The following POF1B variants were observed in gnomAD, a reference collection of about 807,000 sequenced individuals.
The protein encoded by POF1B is POF1B actin binding protein.
In POF1B, 53 loss-of-function variants were observed where a neutral mutation model predicts 55.3. The ratio of observed to expected loss-of-function variants is 0.96; its 90% confidence interval spans 0.77 to 1.20. The LOEUF (loss-of-function observed/expected upper bound fraction) is 1.20. Among genes scored for constraint, POF1B ranks in the 50% most tolerant of loss-of-function variants. POF1B has a pLI of 0.00. For synonymous variants in POF1B, 188 were observed against 148.3 expected, an observed-to-expected ratio of 1.27 and a Z score of -1.95; for missense variants, 478 against 420.5, an observed-to-expected ratio of 1.14 and a Z score of -1.20.
intron 7 of POF1B, among the ~76,000 whole-genome samples, chrX:85,325,317 G>A (rs1184247267): frequency 1.8e-5 from 2 of 111,139 alleles, no homozygotes; most frequent in Admixed American, 9.6e-5. Context: ...AGGCATGCCC[G>A]GGAGTCATAG....
intron 15 of POF1B, among the ~76,000 whole-genome samples, chrX:85,291,920 C>T (rs757619388): frequency 9.0e-6 from 1 of 111,058 alleles, no homozygotes; most frequent in South Asian, 3.8e-4. Context: ...ATTTCTTTCT[C>T]TTGCCTGATT....
intron 15 of POF1B, among the ~76,000 whole-genome samples, chrX:85,298,370 C>A (rs1932356635): frequency 9.0e-6 from 1 of 111,621 alleles, no homozygotes; most frequent in Non-Finnish European, 1.9e-5. Context: ...GAAATGACTG[C>A]AAGAGTCGTG....
Position 85,345,970 on chromosome X carries a change from G to T in POF1B, c.613C>A (p.Gln205Lys). The T allele has an allele frequency of 8.3e-7, 1 of 1,207,614 alleles. No individual in the cohort carries two copies. Among genetic ancestry groups the T allele is most frequent in the South Asian group, 1.8e-5 (1 of 56,553 alleles). The part of the protein sequence containing the change: ...QPQVIHSAHW[Q>K]QPDSSQQIQA... ...ATTTGCTGGCTAGAATCAGGTTGTTGCCAGTGTGCAGAGTGGATGACCTGG... is the reference window on the plus strand; with the variant it reads ...ATTTGCTGGCTAGAATCAGGTTGTTTCCAGTGTGCAGAGTGGATGACCTGG... The change falls in exon 6 of 17, where the codon CAA becomes AAA. Residue 205 changes from glutamine to lysine, a missense_variant. Coordinates refer to ENST00000262753, the MANE Select transcript of POF1B (RefSeq NM_024921.4).
At chrX:85,346,103 AC>A in intron 5 of POF1B, 61 bp from the exon 6 acceptor site, 1 of 829,321 alleles carries the variant, frequency 1.2e-6, no homozygotes, top group Non-Finnish European at 1.6e-6. Context: ...ATCAAGAAAA[AC>A]AACTGAAACC....
intron 6 of POF1B, among the ~76,000 whole-genome samples, chrX:85,341,639 A>T (rs12012750): frequency 0.037 from 4,122 of 110,350 alleles, 161 homozygotes; most frequent in African/African-American, 0.11. Context: ...CAATAATGGG[A>T]TTGAAGAGGG....
chrX:85,364,570 ATAGGCCTCTACTCTCT>A (rs1474269615), intron 3 of POF1B, among the ~76,000 whole-genome samples: 4 of 111,744 alleles, frequency 3.6e-5, no homozygotes, highest in African/African-American at 1.3e-4. Context: ...AATGTTGAAT[ATAGGCCTCTACTCTCT>A]CCTGGCTTGC....
rs778241863 is a variant in POF1B, at chrX:85,305,862, T to A, written c.1366A>T (p.Ile456Phe). The A allele has an allele frequency of 2.5e-6, 3 of 1,210,189 alleles. No individual in the cohort carries two copies. The Admixed American group carries it at 6.5e-5, about 26-fold the overall frequency. Residue 456 changes from isoleucine to phenylalanine, a missense_variant, in exon 13 of 17, where the codon ATT (isoleucine) becomes TTT (phenylalanine). By Grantham distance (21) the Ile-to-Phe change is conservative. Coordinates refer to ENST00000262753, the MANE Select transcript of POF1B (RefSeq NM_024921.4). ...ACCATCTCCGTGTAGTGGTTGCCAA[T>A]CTCATCCATTTTAGCCTGCAACATT... Reference protein sequence around the residue: ...GPMLQAKMDEIGNHYTEMVKN... With the variant: ...GPMLQAKMDEFGNHYTEMVKN...
At chrX:85,348,547 C>T (rs1933317092) in intron 5 of POF1B, among the ~76,000 whole-genome samples, 1 of 110,578 alleles carries the variant, frequency 9.0e-6, no homozygotes, top group African/African-American at 3.3e-5. Flanking sequence ...CAGGTTCATC[C>T]AGACTCTGGC....
Position 85,308,450 on chromosome X carries a change from A to G in POF1B, c.958-234T>C, listed in dbSNP as rs752957248. On this transcript the variant is annotated intron_variant, in intron 9 of 16. Transcript: ENST00000262753. ...AAATATTTATTATTTTTTCCATGAT[A>G]AAGTATCATCTTTGTCACAAAGTAG... 4.5e-5 allele frequency among the ~76,000 whole-genome samples: 5 copies of G among 111,383 alleles called. No individual in the cohort carries two copies. In the South Asian group the frequency reaches 1.9e-3, roughly 42 times the overall value.
At chrX:85,358,799 T>C (rs2147943536) in intron 4 of POF1B, among the ~76,000 whole-genome samples, 1 of 111,169 alleles carries the variant, frequency 9.0e-6, no homozygotes, top group African/African-American at 3.3e-5. Flanking sequence ...AACTAGAATC[T>C]TCTCCTGAGG....
intron 6 of POF1B, among the ~76,000 whole-genome samples, chrX:85,339,104 T>G (rs970576512): frequency 5.4e-5 from 6 of 111,004 alleles, no homozygotes; most frequent in African/African-American, 2.0e-4. Context: ...AGGAAGAGGT[T>G]TAATGGACTT....
chrX:85,313,240 CCTTGT>C (rs1248713263), intron 9 of POF1B, among the ~76,000 whole-genome samples: 1 of 111,861 alleles, frequency 8.9e-6, no homozygotes, highest in African/African-American at 3.2e-5. Context: ...GAGAGGGCAT[CCTTGT>C]CTTGTGCCGG....
chrX:85,351,778 C>A (rs1933394840), intron 4 of POF1B, among the ~76,000 whole-genome samples: 1 of 110,952 alleles, frequency 9.0e-6, no homozygotes, highest in African/African-American at 3.3e-5. Context: ...GGTAGGCAAG[C>A]ATGAGGTCAA....
chrX:85,305,018 C>T (rs1045816503), intron 13 of POF1B, among the ~76,000 whole-genome samples: 5 of 110,381 alleles, frequency 4.5e-5, no homozygotes, highest in African/African-American at 1.6e-4. Flanking sequence ...TCCCTCTTTA[C>T]CTCATATGTG....
intron 13 of POF1B, 47 bp downstream of exon 13, chrX:85,305,744 A>T: frequency 5.2e-6 from 6 of 1,158,592 alleles, no homozygotes; most frequent in Non-Finnish European, 6.9e-6. Context: ...ATCTTGCTAG[A>T]AAGTTTGTGC....
chrX:85,345,810 G>A (rs1005982746), intron 6 of POF1B, 50 bp downstream of exon 6: 2 of 1,078,389 alleles, frequency 1.9e-6, no homozygotes, highest in Admixed American at 2.5e-5. Flanking sequence ...TATGAGAAGA[G>A]TTCAAGAACA....
At chrX:85,337,156 T>C (rs773121211) in intron 6 of POF1B, among the ~76,000 whole-genome samples, 2 of 111,700 alleles carry the variant, frequency 1.8e-5, no homozygotes, top group East Asian at 5.7e-4. Flanking sequence ...TTCATCTATG[T>C]GTTTGTTTTA....
chrX:85,368,105 A>C (rs1456208277), intron 2 of POF1B, among the ~76,000 whole-genome samples: 1 of 111,771 alleles, frequency 8.9e-6, no homozygotes, highest in Non-Finnish European at 1.9e-5. Context: ...TTTACAAACA[A>C]AACTTTTCTT....
At chrX:85,358,701 A>T (rs1382691503) in intron 4 of POF1B, among the ~76,000 whole-genome samples, 1 of 111,041 alleles carries the variant, frequency 9.0e-6, no homozygotes, top group Non-Finnish European at 1.9e-5. Context: ...AATGACAGGA[A>T]AAAGAAATAA....
Sources: gnomAD v4.1 joint callset for allele counts (sites outside exome capture counted in the v4.1 genomes callset) on GRCh38, gnomAD v4.1.1 for gene constraint, MANE v1.5 for transcripts, NCBI Gene and HGNC (gene_info 2026-07-23, HGNC 2026-07-21) for gene names.